VWA3B: variants seen among roughly 807,000 people sequenced by gnomAD.
VWA3B encodes von Willebrand factor A domain-containing protein 3B.
In VWA3B, 138 loss-of-function variants were observed where a neutral mutation model predicts 158.3. The observed-to-expected ratio is 0.87, with a 90% CI of 0.76 to 1.00. The LOEUF (loss-of-function observed/expected upper bound fraction) is 1.00. Among genes scored for constraint, VWA3B ranks in the 50% least tolerant of loss-of-function variants. The pLI is 0.00. For synonymous variants in VWA3B, 596 were observed against 587.3 expected, an observed-to-expected ratio of 1.01 and a Z score of -0.21; for missense variants, 1,555 against 1,565.1, an observed-to-expected ratio of 0.99 and a Z score of 0.11.
chr2:98,162,305 T>A (rs1258879055), intron 7 of VWA3B, among the ~76,000 whole-genome samples: 1 of 152,206 alleles, frequency 6.6e-6, no homozygotes, highest in African/African-American at 2.4e-5. Flanking sequence ...AAATTAATGG[T>A]GCCATGTCAT....
At chr2:98,092,574 T>C (rs1023832246) in intron 1 of VWA3B, among the ~76,000 whole-genome samples, 16 of 151,776 alleles carry the variant, frequency 1.1e-4, no homozygotes, top group African/African-American at 3.1e-4. Context: ...ACCTGGGAGG[T>C]GGAGGTTGCA....
At chr2:98,135,325 CTTTTTTTTTTTTT>C (rs397873615) in intron 7 of VWA3B, among the ~76,000 whole-genome samples, 13 of 96,420 alleles carry the variant, frequency 1.3e-4, no homozygotes, top group African/African-American at 5.1e-4. Flanking sequence ...AAACATTTTT[CTTTTTTTTTTTTT>C]TTTTTTTTTT....
intron 6 of VWA3B, among the ~76,000 whole-genome samples, chr2:98,129,178 G>A (rs1357084265): frequency 2.0e-5 from 3 of 151,720 alleles, no homozygotes; most frequent in South Asian, 4.2e-4. Flanking sequence ...GTTCTCACAC[G>A]GTGGAGAGAG....
chr2:98,155,530 G>T (rs1018267407), intron 7 of VWA3B, among the ~76,000 whole-genome samples: 1 of 152,134 alleles, frequency 6.6e-6, no homozygotes, highest in Non-Finnish European at 1.5e-5. Context: ...TCTGTAAAAC[G>T]GGGATGATGA....
chr2:98,106,129 A>G (rs191945307), intron 2 of VWA3B, among the ~76,000 whole-genome samples: 221 of 152,148 alleles, frequency 1.5e-3, no homozygotes, highest in African/African-American at 5.2e-3. Context: ...GTTAGCCAGT[A>G]TGGTCTCGAT....
At chr2:98,182,159 G>C (rs1680642836) in intron 9 of VWA3B, among the ~76,000 whole-genome samples, 1 of 152,232 alleles carries the variant, frequency 6.6e-6, no homozygotes, top group African/African-American at 2.4e-5. Flanking sequence ...GCCCAGAGGA[G>C]ACACCTGGGA....
At chr2:98,145,296 G>A (rs572746598) in intron 7 of VWA3B, among the ~76,000 whole-genome samples, 2 of 152,270 alleles carry the variant, frequency 1.3e-5, no homozygotes, top group South Asian at 4.1e-4. Context: ...TGCTTTGTAT[G>A]TGCCAGGCAC....
chr2:98,121,377 G>T lies in VWA3B; in HGVS notation c.621G>T (p.Trp207Cys). The T allele has an allele frequency of 6.2e-7, 1 of 1,614,212 alleles. No individual in the cohort carries two copies. Residue 207 changes from tryptophan (W) to cysteine (C), a missense_variant, in exon 5 of 28, where the codon TGG (tryptophan) becomes TGT (cysteine). By Grantham distance (215) the Trp-to-Cys change is radical. Transcript: ENST00000477737. ...AGTCCATAGCTACTGCCATCAGTTGGGTTGAGAAACTGACGGTTGAGCTGA... is the reference window on the plus strand; with the variant it reads ...AGTCCATAGCTACTGCCATCAGTTGTGTTGAGAAACTGACGGTTGAGCTGA... The part of the protein sequence containing the change: ...TEQSIATAIS[W>C]VEKLTVELTV...
chr2:98,200,626 T>C (rs1558666464), intron 12 of VWA3B, among the ~76,000 whole-genome samples: 1 of 152,122 alleles, frequency 6.6e-6, no homozygotes, highest in East Asian at 1.9e-4. Flanking sequence ...AAGTATTTTC[T>C]CCCAATCTAT....
chr2:98,200,353 C>G (rs967801183), intron 12 of VWA3B, among the ~76,000 whole-genome samples: 1 of 151,998 alleles, frequency 6.6e-6, no homozygotes, highest in Non-Finnish European at 1.5e-5. Context: ...CCAGCCTGGC[C>G]AACATGGTGA....
intron 14 of VWA3B, 106 bp from the exon 15 acceptor site, chr2:98,228,096 G>A (rs189732217): frequency 9.9e-6 from 13 of 1,312,144 alleles, no homozygotes; most frequent in East Asian, 2.5e-5. Flanking sequence ...CAAGACCAGC[G>A]TGGGCAACAT....
chr2:98,208,718 A>T (rs1683236902), intron 12 of VWA3B, among the ~76,000 whole-genome samples: 1 of 152,198 alleles, frequency 6.6e-6, no homozygotes, highest in South Asian at 2.1e-4. Context: ...TTTCCTTTGC[A>T]TGCATTATAT....
chr2:98,101,005 T>G (rs2104849821), intron 2 of VWA3B, among the ~76,000 whole-genome samples: 1 of 152,310 alleles, frequency 6.6e-6, no homozygotes, highest in Non-Finnish European at 1.5e-5. Flanking sequence ...CTCTGTTCTT[T>G]CTTTTTTAAA....
At chr2:98,327,325 GA>G in the VWA3B span, among the ~76,000 whole-genome samples, 3 of 151,366 alleles carry the variant, frequency 2.0e-5, no homozygotes, top group Non-Finnish European at 4.4e-5. Flanking sequence ...TAAAAAACAA[GA>G]AAAAAAAGTA....
At chr2:98,171,058 A>G (rs1679541789) in intron 8 of VWA3B, among the ~76,000 whole-genome samples, 1 of 152,244 alleles carries the variant, frequency 6.6e-6, no homozygotes, top group Non-Finnish European at 1.5e-5. Flanking sequence ...CAGAAAACAC[A>G]TGTAAAACAC....
intron 24 of VWA3B, among the ~76,000 whole-genome samples, chr2:98,299,000 G>C (rs949662284): frequency 6.6e-6 from 1 of 152,234 alleles, no homozygotes; most frequent in African/African-American, 2.4e-5. Context: ...GGTGGAAAGG[G>C]AGGGTTGCAG....
intron 22 of VWA3B, among the ~76,000 whole-genome samples, chr2:98,287,319 G>A (rs550758323): frequency 3.9e-5 from 6 of 152,092 alleles, no homozygotes; most frequent in Admixed American, 2.0e-4. Context: ...CTTCTTTTCC[G>A]ACCCTTTTAC....
intron 16 of VWA3B, 84 bp from the exon 17 acceptor site, chr2:98,234,564 A>G (rs1426915528): frequency 2.5e-6 from 4 of 1,576,392 alleles, no homozygotes; most frequent in Non-Finnish European, 2.6e-6. Flanking sequence ...TCTTACTTTA[A>G]GGAGCTGATA....
intron 12 of VWA3B, among the ~76,000 whole-genome samples, chr2:98,198,856 G>A (rs186148197): frequency 0.012 from 1,884 of 152,256 alleles, 15 homozygotes; most frequent in Middle Eastern, 0.02. Context: ...GGAGGCCGAG[G>A]CAGGCGGATC....
Sources: gnomAD v4.1 joint callset for allele counts (sites outside exome capture counted in the v4.1 genomes callset) on GRCh38, gnomAD v4.1.1 for gene constraint, MANE v1.5 for transcripts, NCBI Gene and HGNC (gene_info 2026-07-23, HGNC 2026-07-21) for gene names.